Variants in ROR1 observed in about 807,000 individuals in gnomAD.
ROR1 encodes ROR family WNT receptor 1.
A neutral mutation model predicts 78.8 loss-of-function variants in ROR1; 19 were observed. The observed-to-expected ratio is 0.24, with a 90% CI of 0.17 to 0.35. The LOEUF is 0.35. Among genes scored for constraint, ROR1 ranks in the 10% least tolerant of loss-of-function variants. The pLI, the probability that ROR1 is intolerant of heterozygous loss-of-function variation, is 1.00. For synonymous variants in ROR1, 386 were observed against 433.6 expected (o/e 0.89, Z 1.36); for missense variants, 917 against 1,177.8 (o/e 0.78, Z 3.24).
chr1:63,851,870 G>A (rs1043676454), intron 1 of ROR1, among the ~76,000 whole-genome samples: 1 of 152,176 alleles, frequency 6.6e-6, no homozygotes, highest in Non-Finnish European at 1.5e-5. Context: ...TTTTCTTTAG[G>A]TTTTGCTGCT....
chr1:63,965,416 T>C (rs1448023460), intron 1 of ROR1, among the ~76,000 whole-genome samples: 1 of 152,154 alleles, frequency 6.6e-6, no homozygotes, highest in Non-Finnish European at 1.5e-5. Flanking sequence ...CGTTGGAAAC[T>C]TTAGTAATAG....
intron 1 of ROR1, among the ~76,000 whole-genome samples, chr1:63,860,723 C>T (rs924137342): frequency 4.8e-5 from 7 of 144,636 alleles, no homozygotes; most frequent in East Asian, 2.0e-4. Flanking sequence ...GAGCAGAGAT[C>T]GCACCACTGC....
intron 1 of ROR1, among the ~76,000 whole-genome samples, chr1:63,889,506 C>A (rs77402115): frequency 0.018 from 2,802 of 152,234 alleles, 82 homozygotes; most frequent in African/African-American, 0.064. Context: ...AATGAATACC[C>A]AATGCAGAGA....
intron 2 of ROR1, among the ~76,000 whole-genome samples, chr1:64,038,161 TTC>T (rs770334388): frequency 3.0e-4 from 46 of 152,186 alleles, no homozygotes; most frequent in Non-Finnish European, 6.2e-4. Flanking sequence ...CTTATTTATC[TTC>T]TGTTTCCCCT....
At chr1:64,123,809 T>C (rs895262529) in intron 4 of ROR1, among the ~76,000 whole-genome samples, 2 of 152,182 alleles carry the variant, frequency 1.3e-5, no homozygotes, top group African/African-American at 4.8e-5. Context: ...TCTTAAAAGA[T>C]ATTTATAAAT....
intron 8 of ROR1, among the ~76,000 whole-genome samples, chr1:64,168,276 G>A (rs113824983): frequency 6.6e-6 from 1 of 152,214 alleles, no homozygotes; most frequent in Non-Finnish European, 1.5e-5. Context: ...TAAAATAGGT[G>A]TGAGTCATAG....
chr1:64,091,536 G>T (rs1220107860), intron 4 of ROR1, among the ~76,000 whole-genome samples: 1 of 152,052 alleles, frequency 6.6e-6, no homozygotes, highest in East Asian at 1.9e-4. Flanking sequence ...ATCATCCTTA[G>T]CCTGCTGGTA....
chr1:64,053,120 A>G (rs1646846902), intron 4 of ROR1, among the ~76,000 whole-genome samples: 1 of 152,236 alleles, frequency 6.6e-6, no homozygotes, highest in African/African-American at 2.4e-5. Flanking sequence ...ACTATTTCCA[A>G]AAGAGGAATG....
intron 2 of ROR1, among the ~76,000 whole-genome samples, chr1:64,036,458 T>G (rs1305856037): frequency 2.6e-5 from 4 of 152,192 alleles, no homozygotes; most frequent in African/African-American, 9.7e-5. Context: ...AGCGAGTTCA[T>G]CCAGGAGTCT....
chr1:63,974,983 T>C (rs1646147293), intron 1 of ROR1, among the ~76,000 whole-genome samples: 1 of 152,216 alleles, frequency 6.6e-6, no homozygotes, highest in Non-Finnish European at 1.5e-5. Flanking sequence ...GGGATTGCAC[T>C]CAAAGACTTA....
At chr1:63,825,734 C>T (rs1207589554) in intron 1 of ROR1, among the ~76,000 whole-genome samples, 1 of 152,064 alleles carries the variant, frequency 6.6e-6, no homozygotes, top group Admixed American at 6.5e-5. Context: ...CATATTATTC[C>T]ATCATGTGAA....
intron 1 of ROR1, among the ~76,000 whole-genome samples, chr1:63,905,381 A>G (rs1464740210): frequency 2.6e-5 from 4 of 152,190 alleles, no homozygotes; most frequent in African/African-American, 9.7e-5. Context: ...TACAGACCTT[A>G]ATATACCCAG....
chr1:63,980,709 AGGGCTT>A (rs1019404960), intron 1 of ROR1, among the ~76,000 whole-genome samples: 3 of 152,338 alleles, frequency 2.0e-5, no homozygotes, highest in African/African-American at 7.2e-5. Flanking sequence ...CTTAGAAAAT[AGGGCTT>A]GGGTTTAGCC....
intron 1 of ROR1, among the ~76,000 whole-genome samples, chr1:63,993,434 C>G (rs1263984851): frequency 1.3e-5 from 2 of 152,138 alleles, no homozygotes; most frequent in Admixed American, 6.5e-5. Context: ...CACCAGTTCC[C>G]CTTCTCTGGT....
At chr1:63,808,031 TTC>T (rs1267277549) in intron 1 of ROR1, among the ~76,000 whole-genome samples, 1 of 152,138 alleles carries the variant, frequency 6.6e-6, no homozygotes, top group Non-Finnish European at 1.5e-5. Flanking sequence ...TTCCCTCTCC[TTC>T]TCTCTTTCTT....
At chr1:64,149,415 A>G (rs925108384) in intron 7 of ROR1, among the ~76,000 whole-genome samples, 39 of 151,960 alleles carry the variant, frequency 2.6e-4, no homozygotes, top group Non-Finnish European at 1.0e-4. Context: ...GATCATTATG[A>G]TCTCTCTGGG....
chr1:63,860,944 A>C (rs74077460), intron 1 of ROR1, among the ~76,000 whole-genome samples: 5,198 of 152,214 alleles, frequency 0.034, 202 homozygotes, highest in South Asian at 0.11. Context: ...GAGGGTGTGC[A>C]ATCTTTAAAG....
intron 1 of ROR1, among the ~76,000 whole-genome samples, chr1:63,988,820 T>A (rs951273343): frequency 6.6e-6 from 1 of 152,254 alleles, no homozygotes; most frequent in African/African-American, 2.4e-5. Context: ...AGAATTTTCT[T>A]CCTTTTTAAG....
intron 1 of ROR1, among the ~76,000 whole-genome samples, chr1:63,931,578 G>C (rs1003719918): frequency 2.0e-5 from 3 of 152,160 alleles, no homozygotes; most frequent in Non-Finnish European, 4.4e-5. Context: ...ATTACATGCT[G>C]TCCCAAGTAG....
Sources: gnomAD v4.1 joint callset for allele counts (sites outside exome capture counted in the v4.1 genomes callset) on GRCh38, gnomAD v4.1.1 for gene constraint, MANE v1.5 for transcripts, NCBI Gene and HGNC (gene_info 2026-07-23, HGNC 2026-07-21) for gene names.